The following SEC24A variants were observed in gnomAD, a reference collection of about 807,000 sequenced individuals.
SEC24A encodes the protein protein transport protein Sec24A.
SEC24A carries 93 observed loss-of-function variants against 129.4 expected under a neutral mutation model. The ratio of observed to expected loss-of-function variants is 0.72; its 90% CI spans 0.61 to 0.85. The LOEUF is 0.85. Ranked by LOEUF, SEC24A falls within the 40% of genes least tolerant of loss-of-function variation. SEC24A has a pLI of 0.00. For missense variants in SEC24A, 1,264 were observed against 1,307.4 expected (o/e 0.97, Z 0.51); for synonymous variants, 460 against 467.3 (o/e 0.98, Z 0.20).
chr5:134,703,781 T>C lies in SEC24A; in HGVS notation c.2289T>C (p.His763=), dbSNP rs749711363. The part of the protein sequence containing the change: ...CTKGLSIHTF[H]GNFFVRSTDL... ...TAGGTCTTTCCATTCATACTTTCCA[T>C]GGAAACTTCTTTGTTAGGTCAACCG... Residue 763 remains histidine, a synonymous_variant, in exon 16 of 23, where the codon CAT becomes CAC. Transcript: ENST00000398844. The C allele has an allele frequency of 3.1e-6, 5 of 1,612,686 alleles. No homozygotes were observed. Among genetic ancestry groups the C allele is most frequent in the East Asian group, 4.5e-5 (2 of 44,876 alleles).
intron 13 of SEC24A, among the ~76,000 whole-genome samples, chr5:134,695,887 G>C (rs778582801): frequency 6.6e-6 from 1 of 150,480 alleles, no homozygotes; most frequent in Non-Finnish European, 1.5e-5. Flanking sequence ...CCGGGAGGCA[G>C]TGAGCTGAGA....
chr5:134,717,368 A>G (rs887654450), intron 19 of SEC24A, among the ~76,000 whole-genome samples: 1 of 151,178 alleles, frequency 6.6e-6, no homozygotes, highest in Non-Finnish European at 1.5e-5. Context: ...TTAGCCGGGC[A>G]TGGTGGCGCA....
chr5:134,680,857 T>C (rs1751241012), intron 8 of SEC24A, among the ~76,000 whole-genome samples: 1 of 152,098 alleles, frequency 6.6e-6, no homozygotes, highest in East Asian at 1.9e-4. Flanking sequence ...CTCAGCACTT[T>C]GGGAGGCCGA....
intron 1 of SEC24A, among the ~76,000 whole-genome samples, chr5:134,656,731 C>T (rs897115747): frequency 2.0e-5 from 3 of 149,982 alleles, no homozygotes; most frequent in East Asian, 2.0e-4. Flanking sequence ...CCACCCACCT[C>T]GGCCTCCCAA....
Position 134,705,448 on chromosome 5 carries a change from T to C in SEC24A, c.2551+11T>C, listed in dbSNP as rs1401900868. ...TATTGGCCAATATGGGTAAGAGTTG[T>C]TATCTGTTATAAATATCTTACAAGT... is the stretch of plus-strand genomic sequence containing the variant. On this transcript the variant is annotated intron_variant, in intron 17 of 22. Transcript: ENST00000398844. 1 of 1,515,796 alleles carries C rather than the reference T, an allele frequency of 6.6e-7. No individual in the cohort carries two copies. Among genetic ancestry groups the C allele is most frequent in the Admixed American group, 1.7e-5 (1 of 59,172 alleles). 93.9% of individuals were successfully genotyped at this position (1,515,796 alleles called of 1,614,324 possible).
At position 134,727,196 on chromosome 5, in the gene SEC24A, T is replaced by C. The variant is rs924843612; in HGVS notation, c.*2102T>C. ...GGGCACTACCTGCCATATCATCTTGTATTACTTTTTGATGTAAAGCGACTA... is the reference window on the plus strand; with the variant it reads ...GGGCACTACCTGCCATATCATCTTGCATTACTTTTTGATGTAAAGCGACTA... On this transcript the variant is annotated 3_prime_UTR_variant, in exon 23 of 23. Coordinates refer to ENST00000398844, the MANE Select transcript of SEC24A (RefSeq NM_021982.3). 6.6e-6 allele frequency: 1 copy of C among 152,582 alleles called. No individual in the cohort carries two copies. The highest frequency in any genetic ancestry group is 1.5e-5 in the Non-Finnish European group (1 of 67,990). 9.5% of individuals were successfully genotyped at this position (152,582 alleles called of 1,614,324 possible).
chr5:134,650,016 A>G (rs1749994284), intron 1 of SEC24A, among the ~76,000 whole-genome samples: 3 of 152,202 alleles, frequency 2.0e-5, no homozygotes, highest in Admixed American at 1.3e-4. Flanking sequence ...GAATAATGCT[A>G]AAGAACTTAA....
chr5:134,697,534 T>G (rs1751865201), intron 14 of SEC24A, among the ~76,000 whole-genome samples: 1 of 151,922 alleles, frequency 6.6e-6, no homozygotes, highest in South Asian at 2.1e-4. Flanking sequence ...AGCCCAGGAG[T>G]TTGAGACCAA....
At chr5:134,659,557 TACTC>T (rs1467535502) in intron 1 of SEC24A, among the ~76,000 whole-genome samples, 1 of 152,112 alleles carries the variant, frequency 6.6e-6, no homozygotes, top group Non-Finnish European at 1.5e-5. Context: ...ATGTAATAGT[TACTC>T]ACAATAGGTC....
At chr5:134,669,916 A>G (rs1263449246) in intron 3 of SEC24A, among the ~76,000 whole-genome samples, 1 of 151,718 alleles carries the variant, frequency 6.6e-6, no homozygotes, top group Admixed American at 6.6e-5. Flanking sequence ...ATTTTATTTT[A>G]TTTATTTTTG....
chr5:134,719,157 G>A (rs1160858432), intron 20 of SEC24A, among the ~76,000 whole-genome samples: 4 of 152,022 alleles, frequency 2.6e-5, no homozygotes, highest in East Asian at 1.9e-4. Flanking sequence ...CAAGGCAGGC[G>A]GATTGCTTGA....
At chr5:134,714,977 T>A (rs1426628468) in intron 18 of SEC24A, 47 bp from the exon 19 acceptor site, 4 of 1,566,878 alleles carry the variant, frequency 2.6e-6, no homozygotes, top group Non-Finnish European at 3.5e-6. Context: ...TCTGGATGTA[T>A]TTTTAAAATA....
At chr5:134,686,113 A>G (rs989223962) in intron 9 of SEC24A, among the ~76,000 whole-genome samples, 11 of 152,216 alleles carry the variant, frequency 7.2e-5, no homozygotes, top group Non-Finnish European at 1.2e-4. Flanking sequence ...GTGAAATCCA[A>G]CAAACATATT....
intron 1 of SEC24A, among the ~76,000 whole-genome samples, chr5:134,654,942 C>T (rs899951718): frequency 3.9e-5 from 6 of 152,012 alleles, no homozygotes; most frequent in Non-Finnish European, 7.4e-5. Flanking sequence ...GTCTCGAACT[C>T]CTGACCTCGT....
intron 7 of SEC24A, among the ~76,000 whole-genome samples, chr5:134,678,617 G>T (rs1751152690): frequency 6.6e-6 from 1 of 151,540 alleles, no homozygotes. Context: ...GTCTTGCTCT[G>T]TTGCCCAGGC....
At chr5:134,721,561 CAA>C (rs757908828) in intron 21 of SEC24A, among the ~76,000 whole-genome samples, 49 of 55,398 alleles carry the variant, frequency 8.8e-4, no homozygotes, top group Non-Finnish European at 1.1e-3. Flanking sequence ...GACTCCATCT[CAA>C]AAAAAAAAAA....
Position 134,690,742 on chromosome 5 carries a change from T to C in SEC24A, c.1724-1860T>C, listed in dbSNP as rs751491313. Among the ~76,000 whole-genome samples, 10 of 152,350 alleles carry C rather than the reference T, an allele frequency of 6.6e-5. No homozygotes were observed. The East Asian group carries it at 1.5e-3, about 24-fold the overall frequency. On this transcript the variant is annotated intron_variant, in intron 11 of 22. Transcript: ENST00000398844. ...GAAGAATTCCTAAGCAATTATTGAA[T>C]AAATGTGAATCCTGAGAGGCTCATC...
In SEC24A at chr5:134,675,991, G is replaced by A. The variant is rs201182558; in HGVS notation, c.1152-32G>A. On this transcript the variant is annotated intron_variant, in intron 6 of 22. Transcript: ENST00000398844. ...GTTTTCTTCAAAAATAATCATAGCA[G>A]CAACTGATACATACTTTTTACTTTG... The A allele has an allele frequency of 2.9e-4, 414 of 1,428,230 alleles. 1 individual carries two copies. The highest frequency in any genetic ancestry group is 2.2e-3 in the South Asian group (176 of 79,694). The allele number at this position is 1,428,230 out of a possible 1,614,324, so 88.5% of individuals were successfully genotyped here.
intron 3 of SEC24A, among the ~76,000 whole-genome samples, chr5:134,671,604 A>G (rs1194380492): frequency 6.6e-6 from 1 of 152,180 alleles, no homozygotes; most frequent in Non-Finnish European, 1.5e-5. Context: ...CCAAAGACTC[A>G]TGTTTCCTTT....
Sources: gnomAD v4.1 joint callset for allele counts (sites outside exome capture counted in the v4.1 genomes callset) on GRCh38, gnomAD v4.1.1 for gene constraint, MANE v1.5 for transcripts, NCBI Gene and HGNC (gene_info 2026-07-23, HGNC 2026-07-21) for gene names.